Variants in MPC1 observed in about 807,000 individuals in gnomAD.
MPC1 encodes the protein mitochondrial pyruvate carrier 1, also known as HSPC040 protein.
Under a neutral mutation model 13.9 loss-of-function variants are expected in MPC1, and 6 were observed. That is an observed-to-expected ratio of 0.43 (90% confidence interval 0.24 to 0.85). MPC1 has a LOEUF of 0.85. Ranked by LOEUF, MPC1 falls within the 40% of genes least tolerant of loss-of-function variation. The pLI, the probability that MPC1 is intolerant of heterozygous loss-of-function variation, is 0.24. For missense variants in MPC1, 115 were observed against 143.3 expected, an observed-to-expected ratio of 0.80 and a Z score of 1.01; for synonymous variants, 47 against 50.5, an observed-to-expected ratio of 0.93 and a Z score of 0.29.
intron 1 of MPC1, among the ~76,000 whole-genome samples, chr6:166,380,638 T>C (rs546989209): frequency 1.0e-3 from 159 of 152,234 alleles, no homozygotes; most frequent in African/African-American, 3.7e-3. Flanking sequence ...AAATTCTTCC[T>C]ATGTAATGAA....
chr6:166,365,546 TA>T lies in MPC1; in HGVS notation c.306-94del. The T allele has an allele frequency of 1.0e-6, 1 of 991,798 alleles. No individual in the cohort carries two copies. The highest frequency in any genetic ancestry group is 1.7e-5 in the South Asian group (1 of 57,624). The allele number at this position is 991,798 out of a possible 1,614,324, so 61.4% of individuals were successfully genotyped here. A position where few individuals can be genotyped will look rare whatever the true frequency, so the allele number is the denominator to read the frequency against. ...ATGGCTTTTAAAAGACACCTTTACA[TA>T]ACATTTATTTCAACTTACAACTTAT... On this transcript the variant is annotated intron_variant, in intron 4 of 4. Transcript: ENST00000360961. The surrounding 1 kb of genome is among the most constrained non-coding windows in gnomAD (Gnocchi z 4.2).
chr6:166,371,873 G>A (rs1185695741), intron 1 of MPC1, among the ~76,000 whole-genome samples: 1 of 152,140 alleles, frequency 6.6e-6, no homozygotes. Flanking sequence ...TTTTGAGAAT[G>A]TGGTTACTCT....
At chr6:166,382,581 G>T (rs1050209409) in intron 1 of MPC1, among the ~76,000 whole-genome samples, 8 of 152,140 alleles carry the variant, frequency 5.3e-5, no homozygotes, top group Middle Eastern at 3.4e-3. Context: ...GCCCTGAAAG[G>T]CGCCCACTGT....
chr6:166,367,036 T>C (rs891564985), intron 2 of MPC1, 145 bp from the exon 3 acceptor site: 5 of 1,514,100 alleles, frequency 3.3e-6, no homozygotes, highest in East Asian at 5.0e-5. Flanking sequence ...ACTGGGTTAA[T>C]TGATGGTTAA....
At position 166,376,178 on chromosome 6, in the gene MPC1, G is replaced by GTGTA. The variant is rs1554265937; in HGVS notation, c.72-5958_72-5957insTACA. The stretch of plus-strand genomic sequence containing the variant: ...TACGTGTGTGTGTGTGTGTGTGTGT[G>GTGTA]TATATATATATAATTTTTAATGGAA... On this transcript the variant is annotated intron_variant, in intron 1 of 4. Transcript: ENST00000360961. Among the ~76,000 whole-genome samples, 552 of 140,954 alleles carry GTGTA rather than the reference G, an allele frequency of 3.9e-3. 5 individuals are homozygous for GTGTA. The highest frequency in any genetic ancestry group is 0.012 in the African/African-American group (489 of 39,526). 92.5% of individuals were successfully genotyped at this position (140,954 alleles called of 152,430 possible).
chr6:166,378,855 A>G (rs984117960), intron 1 of MPC1, among the ~76,000 whole-genome samples: 1 of 152,204 alleles, frequency 6.6e-6, no homozygotes, highest in Non-Finnish European at 1.5e-5. Context: ...ACTTTTGTCA[A>G]GCGCTATACT....
chr6:166,373,573 A>C (rs1314541063), intron 1 of MPC1, among the ~76,000 whole-genome samples: 1 of 152,238 alleles, frequency 6.6e-6, no homozygotes, highest in Non-Finnish European at 1.5e-5. Context: ...GTTATGAATA[A>C]AACCTCTATA....
chr6:166,380,987 T>G (rs1779759332), intron 1 of MPC1, among the ~76,000 whole-genome samples: 1 of 150,532 alleles, frequency 6.6e-6, no homozygotes, highest in Admixed American at 6.6e-5. Context: ...GTTAAGTAAT[T>G]ATCAGCATAA....
intron 1 of MPC1, among the ~76,000 whole-genome samples, chr6:166,381,665 A>C (rs574095596): frequency 6.6e-6 from 1 of 152,340 alleles, no homozygotes; most frequent in East Asian, 1.9e-4. Context: ...CCAAGATGAG[A>C]GGTGCAAATA....
chr6:166,380,954 A>G (rs1013084829), intron 1 of MPC1, among the ~76,000 whole-genome samples: 4 of 151,490 alleles, frequency 2.6e-5, no homozygotes, highest in African/African-American at 4.8e-5. Context: ...AAAAAAAAAA[A>G]AAAAAAAAAA....
chr6:166,379,431 T>C (rs988086243), intron 1 of MPC1, among the ~76,000 whole-genome samples: 5 of 152,006 alleles, frequency 3.3e-5, no homozygotes, highest in South Asian at 4.1e-4. Flanking sequence ...GAGTGGGAGG[T>C]TACAGTGAGC....
chr6:166,376,790 T>G (rs746223997), intron 1 of MPC1, among the ~76,000 whole-genome samples: 3 of 152,232 alleles, frequency 2.0e-5, no homozygotes, highest in Non-Finnish European at 2.9e-5. Flanking sequence ...TTTTCTTGAT[T>G]AATGTTAACA....
chr6:166,374,504 C>T (rs910325555), intron 1 of MPC1, among the ~76,000 whole-genome samples: 2 of 152,136 alleles, frequency 1.3e-5, no homozygotes, highest in African/African-American at 4.8e-5. Context: ...TCCCCAAACC[C>T]AAGGTAATTT....
intron 1 of MPC1, among the ~76,000 whole-genome samples, chr6:166,371,781 T>C (rs1779390100): frequency 6.6e-6 from 1 of 152,160 alleles, no homozygotes; most frequent in African/African-American, 2.4e-5. Flanking sequence ...AATGTTTAAT[T>C]TATAAATTAG....
intron 1 of MPC1, among the ~76,000 whole-genome samples, chr6:166,381,439 A>G (rs1354884823): frequency 6.6e-6 from 1 of 152,212 alleles, no homozygotes; most frequent in African/African-American, 2.4e-5. Context: ...TTGCCTTCAT[A>G]CTATCCCTTT....
chr6:166,381,991 C>A (rs2114984975), intron 1 of MPC1, among the ~76,000 whole-genome samples: 1 of 152,382 alleles, frequency 6.6e-6, no homozygotes, highest in East Asian at 1.9e-4. Flanking sequence ...AGCAGCGCCT[C>A]CCGCTGGCGT....
At chr6:166,376,129 T>C (rs1160911944) in intron 1 of MPC1, among the ~76,000 whole-genome samples, 2 of 152,116 alleles carry the variant, frequency 1.3e-5, no homozygotes, top group Non-Finnish European at 2.9e-5. Flanking sequence ...ATAGAAGATG[T>C]ATAGCTATAG....
intron 2 of MPC1, 47 bp downstream of exon 2, chr6:166,370,171 G>A: frequency 1.3e-6 from 1 of 780,992 alleles, no homozygotes; most frequent in Non-Finnish European, 2.4e-6. Context: ...CTCTGTTAAT[G>A]CAGAAAGTCT....
Position 166,365,966 on chromosome 6 carries a change from C to G in MPC1, c.305+8G>C. 1 of 1,606,332 alleles carries G rather than the reference C, an allele frequency of 6.2e-7. No homozygotes were observed. The highest frequency in any genetic ancestry group is 1.1e-5 in the South Asian group (1 of 90,552). On this transcript the variant is annotated splice_region_variant and intron_variant, in intron 4 of 4. Coordinates refer to ENST00000360961, the MANE Select transcript of MPC1 (RefSeq NM_016098.4). The surrounding 1 kb of genome is among the most constrained non-coding windows in gnomAD (Gnocchi z 4.2). ...GAAAAGAAAGTAACTAAATTGAAAT[C>G]TGCTTACTCGTGTTTGATAAGCCGC...
Sources: gnomAD v4.1 joint callset for allele counts (sites outside exome capture counted in the v4.1 genomes callset) on GRCh38, gnomAD v4.1.1 for gene constraint, Gnocchi (gnomAD v3.1) non-coding constraint, MANE v1.5 for transcripts, NCBI Gene and HGNC (gene_info 2026-07-23, HGNC 2026-07-21) for gene names.